CNTN3: variants seen among roughly 807,000 people sequenced by gnomAD.
CNTN3 encodes the protein contactin-3.
In CNTN3, 60 loss-of-function variants were observed where a neutral mutation model predicts 119.1. That is an observed-to-expected ratio of 0.50 (90% confidence interval 0.41 to 0.62). CNTN3 has a LOEUF of 0.62. Ranked by LOEUF, CNTN3 falls within the 20% of genes least tolerant of loss-of-function variation. CNTN3 has a pLI of 0.00. For synonymous variants in CNTN3, 450 were observed against 438.7 expected (o/e 1.03, Z -0.32); for missense variants, 1,101 against 1,242.4 (o/e 0.89, Z 1.71).
chr3:74,504,003 C>T (rs1020205634), intron 2 of CNTN3, among the ~76,000 whole-genome samples: 5 of 151,964 alleles, frequency 3.3e-5, no homozygotes, highest in East Asian at 1.9e-4. Flanking sequence ...AAGATCAAAC[C>T]GCAGACGATC....
At chr3:74,342,510 T>G (rs1367471520) in intron 11 of CNTN3, among the ~76,000 whole-genome samples, 1 of 152,154 alleles carries the variant, frequency 6.6e-6, no homozygotes, top group Non-Finnish European at 1.5e-5. Context: ...GCTCTGTGAT[T>G]CTGTTGAACA....
At chr3:74,589,858 C>CA (rs1430511808) in intron 1 of CNTN3, among the ~76,000 whole-genome samples, 2 of 145,168 alleles carry the variant, frequency 1.4e-5, no homozygotes, top group African/African-American at 5.1e-5. Context: ...ATCACAAGGA[C>CA]AAAAAACCAA....
chr3:74,459,011 A>C (rs561630264), intron 4 of CNTN3, among the ~76,000 whole-genome samples: 1 of 152,078 alleles, frequency 6.6e-6, no homozygotes, highest in African/African-American at 2.4e-5. Context: ...ATTTTTATTC[A>C]ATGAAAGACT....
At chr3:74,366,387 C>T (rs1704187179) in intron 8 of CNTN3, among the ~76,000 whole-genome samples, 1 of 151,940 alleles carries the variant, frequency 6.6e-6, no homozygotes, top group African/African-American at 2.4e-5. Flanking sequence ...TCAACTTATG[C>T]TTTAGAGGGT....
chr3:74,473,239 T>A (rs1352791746), intron 4 of CNTN3, among the ~76,000 whole-genome samples: 1 of 151,408 alleles, frequency 6.6e-6, no homozygotes, highest in Non-Finnish European at 1.5e-5. Flanking sequence ...ACTGATTAGA[T>A]GCTATCTTAT....
At chr3:74,538,617 A>G (rs1482521325) in intron 1 of CNTN3, among the ~76,000 whole-genome samples, 3 of 152,158 alleles carry the variant, frequency 2.0e-5, no homozygotes, top group Non-Finnish European at 2.9e-5. Context: ...TATTTGAATA[A>G]ATAAAGGTTG....
intron 11 of CNTN3, among the ~76,000 whole-genome samples, chr3:74,345,282 C>G (rs929473591): frequency 1.3e-5 from 2 of 152,162 alleles, no homozygotes; most frequent in African/African-American, 2.4e-5. Context: ...TTATCACCAA[C>G]TAGTCAAGCG....
At chr3:74,336,456 C>G in intron 12 of CNTN3, 75 bp downstream of exon 12, 1 of 1,486,524 alleles carries the variant, frequency 6.7e-7, no homozygotes, top group Non-Finnish European at 9.3e-7. Flanking sequence ...TTGTGAAACA[C>G]ATAGTTACTT....
chr3:74,582,780 CATTTGT>C (rs1218846092), intron 1 of CNTN3, among the ~76,000 whole-genome samples: 17 of 109,956 alleles, frequency 1.5e-4, no homozygotes, highest in Admixed American at 7.9e-4. Flanking sequence ...CATGTGTATG[CATTTGT>C]GTGTGTGTGT....
intron 5 of CNTN3, among the ~76,000 whole-genome samples, chr3:74,393,430 T>A (rs1704965097): frequency 1.3e-5 from 2 of 152,228 alleles, no homozygotes; most frequent in East Asian, 3.9e-4. Context: ...CTTTTTAATT[T>A]CCTCCTCTTA....
At chr3:74,566,332 A>T (rs774031213) in intron 1 of CNTN3, among the ~76,000 whole-genome samples, 7 of 152,042 alleles carry the variant, frequency 4.6e-5, no homozygotes, top group Non-Finnish European at 7.4e-5. Flanking sequence ...GAGCAAAGGG[A>T]AGGTGTATTC....
chr3:74,425,244 C>T (rs1183387403), intron 4 of CNTN3, among the ~76,000 whole-genome samples: 1 of 152,108 alleles, frequency 6.6e-6, no homozygotes, highest in African/African-American at 2.4e-5. Flanking sequence ...CTCCCTTCCT[C>T]CCCACTGTAG....
At chr3:74,580,448 A>G (rs891430497) in intron 1 of CNTN3, among the ~76,000 whole-genome samples, 1 of 152,162 alleles carries the variant, frequency 6.6e-6, no homozygotes, top group Non-Finnish European at 1.5e-5. Context: ...TTACACAACA[A>G]TATTTTTTCA....
chr3:74,609,717 G>A (rs922470493), intron 1 of CNTN3, among the ~76,000 whole-genome samples: 1 of 152,158 alleles, frequency 6.6e-6, no homozygotes, highest in African/African-American at 2.4e-5. Flanking sequence ...GGTTACATAT[G>A]GCAAGCTCAG....
chr3:74,459,875 C>T (rs1413393281), intron 4 of CNTN3, among the ~76,000 whole-genome samples: 1 of 152,054 alleles, frequency 6.6e-6, no homozygotes, highest in Non-Finnish European at 1.5e-5. Flanking sequence ...TGTTATTTTA[C>T]TGTAAATACT....
At chr3:74,364,252 T>G (rs890602562) in intron 10 of CNTN3, among the ~76,000 whole-genome samples, 25 of 152,112 alleles carry the variant, frequency 1.6e-4, no homozygotes, top group Non-Finnish European at 2.8e-4. Flanking sequence ...GTCGATTAAC[T>G]TAACCCTTGG....
intron 4 of CNTN3, among the ~76,000 whole-genome samples, chr3:74,460,038 T>C (rs1702337137): frequency 1.3e-5 from 2 of 152,072 alleles, no homozygotes; most frequent in Admixed American, 1.3e-4. Context: ...CAATGAAATG[T>C]CTCTGCATCT....
chr3:74,609,044 TGAGTCAACACGGGAATAA>T (rs1455583804), intron 1 of CNTN3, among the ~76,000 whole-genome samples: 1 of 151,996 alleles, frequency 6.6e-6, no homozygotes, highest in Non-Finnish European at 1.5e-5. Flanking sequence ...AGGGTGGAAA[TGAGTCAACACGGGAATAA>T]GGAGAGTGGA....
intron 4 of CNTN3, among the ~76,000 whole-genome samples, chr3:74,480,223 A>G (rs1559624413): frequency 1.3e-5 from 2 of 152,048 alleles, no homozygotes; most frequent in African/African-American, 4.8e-5. Context: ...GCAGGCCAAA[A>G]TTTGTATCCT....
Sources: allele counts gnomAD v4.1 joint callset (sites outside exome capture counted in the v4.1 genomes callset), GRCh38; gene constraint gnomAD v4.1.1; transcripts MANE v1.5; gene names NCBI Gene and HGNC (gene_info 2026-07-23, HGNC 2026-07-21).